CCSER1: variants seen among roughly 807,000 people sequenced by gnomAD.
CCSER1 encodes coiled-coil serine rich protein 1.
CCSER1 carries 41 observed loss-of-function variants against 82.0 expected under a neutral mutation model. The ratio of observed to expected loss-of-function variants is 0.50; its 90% CI spans 0.39 to 0.65. The LOEUF (loss-of-function observed/expected upper bound fraction) is 0.65, where lower values mean the gene tolerates loss of function less well. CCSER1 is among the 30% of genes least tolerant of loss of function. CCSER1 has a pLI of 0.00. For missense variants in CCSER1, 1,119 were observed against 1,064.2 expected (o/e 1.05, Z -0.72); for synonymous variants, 414 against 383.9 (o/e 1.08, Z -0.92).
chr4:90,753,840 A>T (rs537461362), intron 7 of CCSER1, among the ~76,000 whole-genome samples: 79 of 152,274 alleles, frequency 5.2e-4, no homozygotes, highest in Non-Finnish European at 8.8e-4. Context: ...TTATCTTGCA[A>T]GTCTTTTCTA....
At chr4:90,325,077 T>G (rs1289640914) in intron 3 of CCSER1, among the ~76,000 whole-genome samples, 1 of 152,220 alleles carries the variant, frequency 6.6e-6, no homozygotes, top group Non-Finnish European at 1.5e-5. Flanking sequence ...CTTCACATGT[T>G]ATTAAAACCA....
intron 5 of CCSER1, among the ~76,000 whole-genome samples, chr4:90,475,474 G>A (rs1764949811): frequency 6.6e-6 from 1 of 152,192 alleles, no homozygotes; most frequent in African/African-American, 2.4e-5. Flanking sequence ...AGTTAGGGAT[G>A]GGAGGAGAAA....
At chr4:90,304,225 TGG>T (rs1466305864) in intron 1 of CCSER1, among the ~76,000 whole-genome samples, 2 of 152,224 alleles carry the variant, frequency 1.3e-5, no homozygotes, top group Non-Finnish European at 2.9e-5. Context: ...TCAACCATTG[TGG>T]AAGTCAGTGT....
intron 1 of CCSER1, among the ~76,000 whole-genome samples, chr4:90,155,238 C>G (rs1302965182): frequency 6.6e-6 from 1 of 152,138 alleles, no homozygotes; most frequent in Non-Finnish European, 1.5e-5. Flanking sequence ...CCCACTTGAT[C>G]ATGGTGGATA....
intron 5 of CCSER1, among the ~76,000 whole-genome samples, chr4:90,527,609 T>C (rs1773956311): frequency 6.6e-6 from 1 of 152,170 alleles, no homozygotes; most frequent in Admixed American, 6.5e-5. Context: ...AAATCAAGGC[T>C]CATTAGACTT....
At chr4:91,530,349 A>C (rs182174983) in intron 10 of CCSER1, among the ~76,000 whole-genome samples, 20,641 of 151,982 alleles carry the variant, frequency 0.14, 1,588 homozygotes, top group African/African-American at 0.21. Flanking sequence ...TTGGAAAATA[A>C]ATTTTAGTTT....
chr4:90,768,193 T>A (rs1466792600), intron 7 of CCSER1, among the ~76,000 whole-genome samples: 1 of 152,232 alleles, frequency 6.6e-6, no homozygotes, highest in Non-Finnish European at 1.5e-5. Flanking sequence ...CAGTACTGTG[T>A]CATAAGGTCA....
At chr4:90,935,250 A>G (rs115566815) in intron 9 of CCSER1, among the ~76,000 whole-genome samples, 1 of 151,992 alleles carries the variant, frequency 6.6e-6, no homozygotes, top group Non-Finnish European at 1.5e-5. Flanking sequence ...GAGATCTTTC[A>G]TTAATAGATT....
At chr4:90,285,118 T>C (rs149651859) in intron 1 of CCSER1, among the ~76,000 whole-genome samples, 13 of 152,220 alleles carry the variant, frequency 8.5e-5, no homozygotes, top group African/African-American at 2.4e-4. Context: ...TCAGAATTGC[T>C]TTGGCTATTC....
At chr4:90,811,088 G>A (rs967068221) in intron 7 of CCSER1, among the ~76,000 whole-genome samples, 7 of 152,026 alleles carry the variant, frequency 4.6e-5, no homozygotes, top group Admixed American at 2.0e-4. Flanking sequence ...ATCCGCCCGC[G>A]TCGGCCTTCC....
At chr4:90,566,924 C>T (rs752017173) in intron 5 of CCSER1, among the ~76,000 whole-genome samples, 11 of 151,660 alleles carry the variant, frequency 7.3e-5, no homozygotes, top group Non-Finnish European at 1.5e-4. Context: ...TTGTATTTTA[C>T]TTGTATCAAT....
chr4:90,705,687 C>A (rs1739196483), intron 6 of CCSER1, among the ~76,000 whole-genome samples: 1 of 152,194 alleles, frequency 6.6e-6, no homozygotes, highest in African/African-American at 2.4e-5. Flanking sequence ...CGCCCCTCCC[C>A]CAGTCTCACT....
intron 4 of CCSER1, among the ~76,000 whole-genome samples, chr4:90,455,489 G>A (rs1307146888): frequency 6.6e-6 from 1 of 152,130 alleles, no homozygotes; most frequent in African/African-American, 2.4e-5. Context: ...CAAGAGGAGT[G>A]CAGGTTGAAG....
chr4:91,151,637 T>A (rs1166956246), intron 10 of CCSER1, among the ~76,000 whole-genome samples: 1 of 152,230 alleles, frequency 6.6e-6, no homozygotes, highest in Non-Finnish European at 1.5e-5. Flanking sequence ...CTCTACACAC[T>A]GCTTTAACTG....
intron 10 of CCSER1, among the ~76,000 whole-genome samples, chr4:91,567,846 C>G (rs1291700090): frequency 6.6e-6 from 1 of 152,026 alleles, no homozygotes; most frequent in Non-Finnish European, 1.5e-5. Context: ...TTAAATGGGG[C>G]ATTTAGCCCA....
chr4:91,349,336 C>T (rs1353806434), intron 10 of CCSER1, among the ~76,000 whole-genome samples: 5 of 152,084 alleles, frequency 3.3e-5, no homozygotes, highest in Non-Finnish European at 4.4e-5. Flanking sequence ...GTTTTGTCTT[C>T]CCTGTTGGGT....
chr4:90,726,446 A>G (rs1403235647), intron 7 of CCSER1, among the ~76,000 whole-genome samples: 1 of 151,940 alleles, frequency 6.6e-6, no homozygotes, highest in Non-Finnish European at 1.5e-5. Context: ...TTAAGTATGG[A>G]AAAAAAGATG....
intron 5 of CCSER1, among the ~76,000 whole-genome samples, chr4:90,605,283 C>T (rs1784548224): frequency 6.6e-6 from 1 of 152,284 alleles, no homozygotes; most frequent in Non-Finnish European, 1.5e-5. Flanking sequence ...ACCAAGAAAC[C>T]ACCAATTGTG....
At chr4:90,827,208 C>T (rs1240151862) in intron 8 of CCSER1, among the ~76,000 whole-genome samples, 1 of 152,168 alleles carries the variant, frequency 6.6e-6, no homozygotes, top group Non-Finnish European at 1.5e-5. Flanking sequence ...GTGCTGCCTT[C>T]CTTTTATGGT....
Sources: gnomAD v4.1 joint callset for allele counts (sites outside exome capture counted in the v4.1 genomes callset) on GRCh38, gnomAD v4.1.1 for gene constraint, MANE v1.5 for transcripts, NCBI Gene and HGNC (gene_info 2026-07-23, HGNC 2026-07-21) for gene names.